Variants in GCNT4 observed in about 807,000 individuals in gnomAD.
GCNT4 encodes glucosaminyl (N-acetyl) transferase 4.
A neutral mutation model predicts 31.3 loss-of-function variants in GCNT4; 17 were observed. That is an observed-to-expected ratio of 0.54 (90% confidence interval 0.37 to 0.81). GCNT4 has a LOEUF of 0.81. Among genes scored for constraint, GCNT4 ranks in the 40% least tolerant of loss-of-function variants. GCNT4 has a pLI of 0.00. For synonymous variants in GCNT4, 158 were observed against 190.6 expected (o/e 0.83, Z 1.41); for missense variants, 503 against 525.5 (o/e 0.96, Z 0.42).
intron 3 of GCNT4, chr5:75,030,456 C>T (rs570677172): frequency 1.1e-5 from 2 of 174,196 alleles, no homozygotes; most frequent in Non-Finnish European, 1.4e-5. Flanking sequence ...AGGGAACATT[C>T]GTCTTGATTC....
Position 75,052,244 on chromosome 5 carries a change from CAAAAAAAAAAA to C in GCNT4, c.-201-28_-201-18del, listed in dbSNP as rs200517667. 2.1e-5 allele frequency: 2 copies of C among 95,168 alleles called. No individual in the cohort carries two copies. Among genetic ancestry groups the C allele is most frequent in the Non-Finnish European group, 5.1e-5 (2 of 39,260 alleles). 5.9% of individuals were successfully genotyped at this position (95,168 alleles called of 1,614,324 possible). Reference sequence around the variant, plus strand: ...TTTGTTGTTCTTCCATTTTTAAAGACAAAAAAAAAAAAAAAAAGAAAAAGAAAAAAATGAAT... The same window carrying C: ...TTTGTTGTTCTTCCATTTTTAAAGACAAAAAAGAAAAAGAAAAAAATGAAT... On this transcript the variant is annotated intron_variant, in intron 1 of 3. Transcript: ENST00000652361.
At chr5:75,030,448 G>A (rs143586238) in intron 3 of GCNT4, 214 of 175,234 alleles carry the variant, frequency 1.2e-3, no homozygotes, top group Admixed American at 3.0e-3. Flanking sequence ...AAGGCCAAAG[G>A]GAACATTCGT....
At chr5:75,041,513 C>T (rs892754191) in intron 3 of GCNT4, among the ~76,000 whole-genome samples, 6 of 152,208 alleles carry the variant, frequency 3.9e-5, no homozygotes, top group African/African-American at 1.4e-4. Flanking sequence ...ATTCTATCAA[C>T]CACCTCTATA....
chr5:75,051,604 AGAAAACAACCATAG>A (rs1302545535), intron 2 of GCNT4, among the ~76,000 whole-genome samples: 3 of 152,100 alleles, frequency 2.0e-5, no homozygotes, highest in African/African-American at 7.2e-5. Context: ...CTCCCTTCCT[AGAAAACAACCATAG>A]GTCATTCAAA....
At chr5:75,035,991 C>A (rs74372902) in intron 3 of GCNT4, among the ~76,000 whole-genome samples, 2,401 of 152,254 alleles carry the variant, frequency 0.016, 26 homozygotes, top group South Asian at 0.028. Flanking sequence ...ATTCATCCCT[C>A]AGTATATGCA....
chr5:75,053,787 C>G (rs373864085), upstream of GCNT4, among the ~76,000 whole-genome samples: 63 of 152,256 alleles, frequency 4.1e-4, no homozygotes, highest in East Asian at 0.011. Flanking sequence ...GGCCGCGCTT[C>G]GGACAAAGTT....
chr5:75,046,877 C>A (rs59384623), intron 3 of GCNT4, among the ~76,000 whole-genome samples: 1 of 152,116 alleles, frequency 6.6e-6, no homozygotes, highest in East Asian at 1.9e-4. Context: ...CCCTTCGTGC[C>A]GTTTCTTAGA....
chr5:75,023,749 TTC>T (rs1369694301), downstream of GCNT4: 1 of 152,236 alleles, frequency 6.6e-6, no homozygotes, highest in African/African-American at 2.4e-5. Flanking sequence ...TATACGTGGT[TTC>T]TGTTTAATTT....
At chr5:75,039,281 C>T (rs756892837) in intron 3 of GCNT4, among the ~76,000 whole-genome samples, 4 of 151,938 alleles carry the variant, frequency 2.6e-5, no homozygotes, top group South Asian at 4.2e-4. Context: ...TTAGTCGAGA[C>T]GGGGGTTTCA....
chr5:75,047,377 T>C (rs1398443304), intron 3 of GCNT4, among the ~76,000 whole-genome samples: 2 of 152,186 alleles, frequency 1.3e-5, no homozygotes, highest in African/African-American at 2.4e-5. Context: ...TTGCTTACTA[T>C]GGCAAGGGAG....
intron 3 of GCNT4, among the ~76,000 whole-genome samples, chr5:75,039,131 C>A (rs1743264268): frequency 6.6e-6 from 1 of 152,102 alleles, no homozygotes; most frequent in Admixed American, 6.5e-5. Flanking sequence ...GTCACCCACG[C>A]TGGAGTGCAA....
chr5:75,047,707 G>A (rs1580247406), intron 3 of GCNT4, 190 bp downstream of exon 3: 1 of 151,762 alleles, frequency 6.6e-6, no homozygotes, highest in East Asian at 1.9e-4. Context: ...AACATTTTAG[G>A]GTTTTTTTTT....
At chr5:75,052,659 T>G (rs920679791), upstream of GCNT4, 1 of 151,868 alleles carries the variant, frequency 6.6e-6, no homozygotes, top group Non-Finnish European at 1.5e-5. Context: ...AAAGAACAAC[T>G]CGGAGGCCCC....
chr5:75,048,265 A>G (rs1400626074), intron 2 of GCNT4, among the ~76,000 whole-genome samples: 1 of 152,198 alleles, frequency 6.6e-6, no homozygotes, highest in East Asian at 1.9e-4. Flanking sequence ...AAGGACACAA[A>G]GCTGAGACTC....
chr5:75,021,424 A>G (rs951569642), downstream of GCNT4, among the ~76,000 whole-genome samples: 1 of 152,224 alleles, frequency 6.6e-6, no homozygotes, highest in African/African-American at 2.4e-5. Flanking sequence ...CTTGGCTGTG[A>G]GAGGCTGTAA....
chr5:75,028,432 T>A lies in GCNT4; in HGVS notation c.*244A>T, dbSNP rs764269169. 1 of 480,952 alleles carries A rather than the reference T, an allele frequency of 2.1e-6. No homozygotes were observed. Among genetic ancestry groups the A allele is most frequent in the Non-Finnish European group, 3.6e-6 (1 of 275,154 alleles). 29.8% of individuals were successfully genotyped at this position (480,952 alleles called of 1,614,324 possible). ...TGCTCAATAATGTTTGATGACTGAC[T>A]GAATGTTTAAGATCTCTGATTTGGC... On this transcript the variant is annotated 3_prime_UTR_variant, in exon 4 of 4. Coordinates refer to ENST00000652361, the MANE Select transcript of GCNT4 (RefSeq NM_001366737.1).
At chr5:75,017,190 T>C in the GCNT4 span, among the ~76,000 whole-genome samples, 1 of 152,196 alleles carries the variant, frequency 6.6e-6, no homozygotes, top group African/African-American at 2.4e-5. Context: ...GATTTACAGT[T>C]GTTTTTGAAT....
chr5:75,026,672 A>AAAC lies in GCNT4; in HGVS notation c.*2003_*2004insGTT, dbSNP rs1742952840. 1 of 143,190 alleles carries AAAC rather than the reference A, an allele frequency of 7.0e-6. No individual in the cohort carries two copies. Among genetic ancestry groups the AAAC allele is most frequent in the Non-Finnish European group, 1.5e-5 (1 of 66,248 alleles). 8.9% of individuals were successfully genotyped at this position (143,190 alleles called of 1,614,324 possible). A position where few individuals can be genotyped will look rare whatever the true frequency, so the allele number is the denominator to read the frequency against. ...CAAAAAAAAAAAAAAAAAAAAAAAAACACTTGTGTGGAAGCAAGGATAGGC... is the reference window on the plus strand; with the variant it reads ...CAAAAAAAAAAAAAAAAAAAAAAAAAAACCACTTGTGTGGAAGCAAGGATAGGC... On this transcript the variant is annotated 3_prime_UTR_variant, in exon 4 of 4. Transcript: ENST00000652361.
chr5:75,024,882 C>T (rs759219447), downstream of GCNT4, among the ~76,000 whole-genome samples: 9 of 129,736 alleles, frequency 6.9e-5, no homozygotes, highest in African/African-American at 2.6e-4. Flanking sequence ...TCCCGGGAGG[C>T]GGAGGTTGCA....
Sources: gnomAD v4.1 joint callset for allele counts (sites outside exome capture counted in the v4.1 genomes callset) on GRCh38, gnomAD v4.1.1 for gene constraint, MANE v1.5 for transcripts, NCBI Gene and HGNC (gene_info 2026-07-23, HGNC 2026-07-21) for gene names.